AKAP13: variants seen among roughly 807,000 people sequenced by gnomAD.
AKAP13 encodes the protein A-kinase anchor protein 13.
A neutral mutation model predicts 264.5 loss-of-function variants in AKAP13; 80 were observed. That is an observed-to-expected ratio of 0.30 (90% CI 0.25 to 0.36). The LOEUF (loss-of-function observed/expected upper bound fraction) is 0.36. AKAP13 is among the 10% of genes least tolerant of loss of function. The pLI, the probability that AKAP13 is intolerant of heterozygous loss-of-function variation, is 1.00. For synonymous variants in AKAP13, 1,380 were observed against 1,250.2 expected (o/e 1.10, Z -2.19); for missense variants, 3,712 against 3,435.2 (o/e 1.08, Z -2.01).
At chr15:85,542,964 C>T (rs932758225) in intron 4 of AKAP13, among the ~76,000 whole-genome samples, 32 of 152,208 alleles carry the variant, frequency 2.1e-4, no homozygotes, top group Admixed American at 7.2e-4. Context: ...ACATGAATCA[C>T]GCTTGGTCAC....
chr15:85,644,430 C>T (rs1170841897), intron 9 of AKAP13, among the ~76,000 whole-genome samples: 7 of 151,058 alleles, frequency 4.6e-5, no homozygotes, highest in Admixed American at 3.9e-4. Context: ...TTAGTAGAGA[C>T]GGGGTTTCAC....
intron 1 of AKAP13, among the ~76,000 whole-genome samples, chr15:85,388,914 T>C (rs1488929655): frequency 6.6e-6 from 1 of 152,234 alleles, no homozygotes; most frequent in African/African-American, 2.4e-5. Flanking sequence ...AAGAGTATCA[T>C]ACTTTGTTTT....
intron 2 of AKAP13, among the ~76,000 whole-genome samples, chr15:85,501,334 G>C (rs773865002): frequency 1.3e-5 from 2 of 152,108 alleles, no homozygotes; most frequent in South Asian, 2.1e-4. Flanking sequence ...CCATATACTC[G>C]TGATTATGTG....
intron 8 of AKAP13, among the ~76,000 whole-genome samples, chr15:85,601,666 C>G (rs2080084404): frequency 1.1e-5 from 1 of 91,846 alleles, no homozygotes; most frequent in Non-Finnish European, 2.5e-5. Context: ...TCCAGCTATT[C>G]TTGTATTCCT....
chr15:85,393,345 A>T (rs947428686), intron 1 of AKAP13, among the ~76,000 whole-genome samples: 3 of 152,208 alleles, frequency 2.0e-5, no homozygotes, highest in African/African-American at 7.2e-5. Flanking sequence ...GTAGAGTTCT[A>T]AGTGTTCATT....
intron 2 of AKAP13, among the ~76,000 whole-genome samples, chr15:85,520,266 C>T (rs944923916): frequency 2.6e-5 from 4 of 151,910 alleles, no homozygotes; most frequent in Admixed American, 1.3e-4. Flanking sequence ...GAGGCTGAGA[C>T]GGGTGGATCA....
chr15:85,531,793 T>TG (rs2077250554), intron 3 of AKAP13, among the ~76,000 whole-genome samples: 1 of 152,192 alleles, frequency 6.6e-6, no homozygotes, highest in South Asian at 2.1e-4. Flanking sequence ...AGTGTTCATG[T>TG]GAAGACTTAT....
intron 19 of AKAP13, among the ~76,000 whole-genome samples, chr15:85,713,778 C>T (rs1046264675): frequency 6.6e-6 from 1 of 152,108 alleles, no homozygotes; most frequent in Non-Finnish European, 1.5e-5. Context: ...TCATAACTAC[C>T]ACCCCAGTCT....
rs543442450 is a variant in AKAP13 at position 85,607,976 on chromosome 15, T to G, written c.4161+22153T>G. On this transcript the variant is annotated intron_variant, in intron 8 of 36. Transcript: ENST00000394518. The stretch of plus-strand genomic sequence containing the variant: ...TTCTTTCTTTTCCCCTTTGCTTTGT[T>G]TTTTTGGACAATTGATAAAAAGAGC... Among the ~76,000 whole-genome samples, 4 of 152,320 alleles carry G rather than the reference T, an allele frequency of 2.6e-5. No homozygotes were observed. The South Asian group carries it at 6.2e-4, about 24-fold the overall frequency.
intron 5 of AKAP13, among the ~76,000 whole-genome samples, chr15:85,567,706 T>TA (rs1421219393): frequency 6.6e-6 from 1 of 152,102 alleles, no homozygotes; most frequent in African/African-American, 2.4e-5. Context: ...GTGTAGTTTT[T>TA]ATGTAACATG....
intron 10 of AKAP13, among the ~76,000 whole-genome samples, chr15:85,647,067 A>C (rs1008619382): frequency 8.5e-5 from 13 of 152,184 alleles, no homozygotes; most frequent in African/African-American, 3.1e-4. Context: ...TTAGTGGGTG[A>C]TTAGGTTGTC....
At chr15:85,734,513 T>G (rs767863938) in intron 30 of AKAP13, among the ~76,000 whole-genome samples, 1 of 152,202 alleles carries the variant, frequency 6.6e-6, no homozygotes. Context: ...TTCTCCACTT[T>G]CTTCTTTCTG....
intron 7 of AKAP13, among the ~76,000 whole-genome samples, chr15:85,582,496 G>T (rs1294493359): frequency 1.3e-5 from 2 of 152,078 alleles, no homozygotes; most frequent in Admixed American, 1.3e-4. Flanking sequence ...CCAAAAAGCT[G>T]TGTTTTATCT....
Position 85,664,753 on chromosome 15 carries a change from C to G in AKAP13, c.4990C>G (p.Gln1664Glu), listed in dbSNP as rs778789325. ...GAGAGAACATAGGATGTTTGATCAG[C>G]AGGTAAGTCTTAAATATGTCTAATT... ...DQREHRMFDQ[Q>E]ICHRSKQQGF... The change falls in exon 13 of 37, where the codon CAG (glutamine) becomes GAG (glutamate). Residue 1664 changes from glutamine (Q) to glutamate (E), a missense_variant and splice_region_variant. By Grantham distance (29) the Gln-to-Glu change is conservative (BLOSUM62 2). This residue lies in a region of AKAP13 where 2,759 missense variants were observed against 2,411.7 expected (regional missense o/e 1.14). Transcript: ENST00000394518. 55 of 1,610,322 alleles carry G rather than the reference C, an allele frequency of 3.4e-5. No individual in the cohort carries two copies. In the South Asian group the frequency reaches 5.3e-4, roughly 16 times the overall value.
chr15:85,704,570 CTGTT>C (rs1401504415), intron 17 of AKAP13, among the ~76,000 whole-genome samples: 3 of 152,174 alleles, frequency 2.0e-5, no homozygotes, highest in African/African-American at 7.2e-5. Flanking sequence ...GAAGGCTGGA[CTGTT>C]TGTTTTAGGT....
At chr15:85,677,675 G>T (rs2084315872) in intron 14 of AKAP13, among the ~76,000 whole-genome samples, 1 of 146,586 alleles carries the variant, frequency 6.8e-6, no homozygotes. Context: ...AGATGGAGAT[G>T]GAGTCTCACT....
chr15:85,456,053 T>C (rs2150987922), intron 1 of AKAP13, among the ~76,000 whole-genome samples: 1 of 152,326 alleles, frequency 6.6e-6, no homozygotes, highest in Admixed American at 6.5e-5. Flanking sequence ...CTCTGAGCCT[T>C]AAGTCTTAGA....
chr15:85,416,421 C>G (rs1218288565), intron 1 of AKAP13, among the ~76,000 whole-genome samples: 1 of 152,140 alleles, frequency 6.6e-6, no homozygotes, highest in Non-Finnish European at 1.5e-5. Flanking sequence ...TTCCTCCCTG[C>G]TGGTAAGCCA....
intron 34 of AKAP13, 195 bp downstream of exon 34, chr15:85,740,467 C>T (rs997289193): frequency 1.0e-5 from 6 of 588,470 alleles, no homozygotes; most frequent in African/African-American, 7.4e-5. Context: ...TAGTGAAGAG[C>T]TGGTGTGCCG....
Sources: gnomAD v4.1 joint callset for allele counts (sites outside exome capture counted in the v4.1 genomes callset) on GRCh38, gnomAD v4.1.1 for gene constraint, gnomAD v4.1.1 regional missense constraint, MANE v1.5 for transcripts, NCBI Gene and HGNC (gene_info 2026-07-23, HGNC 2026-07-21) for gene names.